The following ZBTB8A variants were observed in gnomAD, a reference collection of about 807,000 sequenced individuals.
The protein encoded by ZBTB8A is zinc finger and BTB domain containing 8A.
ZBTB8A carries 19 observed loss-of-function variants against 37.8 expected under a neutral mutation model. That is an observed-to-expected ratio of 0.50 (90% CI 0.35 to 0.74). The LOEUF (loss-of-function observed/expected upper bound fraction) is 0.74, where lower values mean the gene tolerates loss of function less well. Among genes scored for constraint, ZBTB8A ranks in the 30% least tolerant of loss-of-function variants. The pLI is 0.01. For missense variants in ZBTB8A, 394 were observed against 537.8 expected, an observed-to-expected ratio of 0.73 and a Z score of 2.65; for synonymous variants, 181 against 185.2, an observed-to-expected ratio of 0.98 and a Z score of 0.19.
chr1:32,581,493 A>C (rs558449384), intron 2 of ZBTB8A, among the ~76,000 whole-genome samples: 2 of 150,706 alleles, frequency 1.3e-5, no homozygotes, highest in African/African-American at 4.9e-5. Flanking sequence ...CTGGGATTAC[A>C]GGCGCACGCC....
Position 32,593,204 on chromosome 1 carries a change from T to A in ZBTB8A, c.273T>A (p.Thr91=). The A allele has an allele frequency of 6.2e-7, 1 of 1,614,214 alleles. No homozygotes were observed. Among genetic ancestry groups the A allele is most frequent in the Non-Finnish European group, 8.5e-7 (1 of 1,180,046 alleles). The change falls in exon 3 of 5, where the codon ACT becomes ACA. Residue 91 remains threonine (T), a synonymous_variant. Transcript: ENST00000373510. ...TATATTCTGGCAAACTGTCTCTTAC[T>A]GGTCAGAATGTCATAGAAGTGATGT... is the stretch of plus-strand genomic sequence containing the variant. ...DFVYSGKLSL[T]GQNVIEVMSA...
In ZBTB8A at chr1:32,593,377, C is replaced by T; in HGVS notation, c.446C>T (p.Ser149Phe). The stretch of plus-strand genomic sequence containing the variant: ...AATTCTAATGGTGTAGAACGTTCCT[C>T]TTTTTATAGTGGTGGCTGGCAAGAA... ...DANSNGVERS[S>F]FYSGGWQEGS... is the part of the protein sequence containing the mutation. Residue 149 changes from serine (S) to phenylalanine (F), a missense_variant, in exon 3 of 5, where the codon TCT becomes TTT. Ser to Phe is a radical substitution (Grantham distance 155). Coordinates refer to ENST00000373510, the MANE Select transcript of ZBTB8A (RefSeq NM_001040441.3). The T allele has an allele frequency of 6.2e-7, 1 of 1,613,978 alleles. No individual in the cohort carries two copies. Among genetic ancestry groups the T allele is most frequent in the Non-Finnish European group, 8.5e-7 (1 of 1,179,984 alleles).
intron 2 of ZBTB8A, among the ~76,000 whole-genome samples, chr1:32,569,242 C>G (rs1271252718): frequency 1.3e-5 from 2 of 151,952 alleles, no homozygotes; most frequent in African/African-American, 4.8e-5. Flanking sequence ...TGTTTGTTTT[C>G]TATTATGAAG....
At chr1:32,552,588 C>T (rs1052583226) in intron 1 of ZBTB8A, among the ~76,000 whole-genome samples, 1 of 152,038 alleles carries the variant, frequency 6.6e-6, no homozygotes, top group African/African-American at 2.4e-5. Context: ...ATTGCTCAAA[C>T]CAGGGAGGCG....
chr1:32,551,580 G>C (rs1644156295), intron 1 of ZBTB8A, among the ~76,000 whole-genome samples: 3 of 152,082 alleles, frequency 2.0e-5, no homozygotes. Flanking sequence ...GGGTGTGGTG[G>C]TGCATACCTG....
intron 1 of ZBTB8A, among the ~76,000 whole-genome samples, chr1:32,541,417 C>T (rs1472712190): frequency 6.6e-6 from 1 of 152,192 alleles, no homozygotes; most frequent in Non-Finnish European, 1.5e-5. Flanking sequence ...CCCAGACACC[C>T]ACATGACTCT....
At chr1:32,597,998 C>G (rs1644546026) in intron 4 of ZBTB8A, among the ~76,000 whole-genome samples, 1 of 151,498 alleles carries the variant, frequency 6.6e-6, no homozygotes, top group Admixed American at 6.6e-5. Flanking sequence ...AAGTGATCCA[C>G]CCACCTCCAC....
Position 32,593,289 on chromosome 1 carries a change from T to A in ZBTB8A, c.358T>A (p.Ser120Thr), listed in dbSNP as rs1644504041. ...AAGTGTATGTAAGACTTTTATTAAA[T>A]CTTCCTTAGACATTAGTGAGAAAGA... is the stretch of plus-strand genomic sequence containing the variant. ...VISVCKTFIK[S>T]SLDISEKEKD... The change falls in exon 3 of 5, where the codon TCT (serine) becomes ACT (threonine). Residue 120 changes from serine (S) to threonine (T), a missense_variant. Ser to Thr is a moderately conservative substitution (Grantham distance 58). This residue lies in a region of ZBTB8A where 96 missense variants were observed against 165.6 expected (regional missense o/e 0.58). Coordinates refer to ENST00000373510, the MANE Select transcript of ZBTB8A (RefSeq NM_001040441.3). The A allele has an allele frequency of 6.2e-7, 1 of 1,614,056 alleles. No homozygotes were observed. Among genetic ancestry groups the A allele is most frequent in the Non-Finnish European group, 8.5e-7 (1 of 1,180,048 alleles).
chr1:32,573,965 A>G (rs563033238), intron 2 of ZBTB8A, among the ~76,000 whole-genome samples: 1 of 151,782 alleles, frequency 6.6e-6, no homozygotes, highest in South Asian at 2.1e-4. Context: ...AATCCCAGCT[A>G]TTCGGGAGGC....
At chr1:32,575,276 G>A (rs1644351504) in intron 2 of ZBTB8A, among the ~76,000 whole-genome samples, 1 of 142,148 alleles carries the variant, frequency 7.0e-6, no homozygotes, top group Admixed American at 7.3e-5. Flanking sequence ...CCCGAGGCTG[G>A]AGTGCAGTGG....
intron 4 of ZBTB8A, among the ~76,000 whole-genome samples, chr1:32,596,791 A>G (rs551704357): frequency 1.3e-5 from 2 of 152,204 alleles, no homozygotes; most frequent in South Asian, 4.1e-4. Context: ...ATAGTTTTAT[A>G]TTTCCATTTT....
chr1:32,588,758 C>A (rs1474624057), intron 2 of ZBTB8A, among the ~76,000 whole-genome samples: 1 of 151,990 alleles, frequency 6.6e-6, no homozygotes, highest in Non-Finnish European at 1.5e-5. Context: ...CCGAGGCAGG[C>A]AGATCACCTG....
chr1:32,558,993 G>A (rs1024658522), intron 2 of ZBTB8A, among the ~76,000 whole-genome samples: 1 of 152,226 alleles, frequency 6.6e-6, no homozygotes, highest in Non-Finnish European at 1.5e-5. Flanking sequence ...GGAAATGGAT[G>A]TGTAAACCAC....
chr1:32,579,392 A>G (rs1473704047), intron 2 of ZBTB8A, among the ~76,000 whole-genome samples: 1 of 151,406 alleles, frequency 6.6e-6, no homozygotes, highest in Non-Finnish European at 1.5e-5. Context: ...CGGAGGTTGC[A>G]GTGAGCTGAG....
At position 32,565,196 on chromosome 1, in the gene ZBTB8A, G is replaced by A. The variant is rs1234525818; in HGVS notation, c.-2+11656G>A. On this transcript the variant is annotated intron_variant, in intron 2 of 4. Coordinates refer to ENST00000373510, the MANE Select transcript of ZBTB8A (RefSeq NM_001040441.3). The stretch of plus-strand genomic sequence containing the variant: ...AACACAAACATTAACCAGGCATGGT[G>A]GCATGTGCCTGGAGTCCCAGCCAGG... Among the ~76,000 whole-genome samples, 3 of 152,196 alleles carry A rather than the reference G, an allele frequency of 2.0e-5. No individual in the cohort carries two copies. In the East Asian group the frequency reaches 5.8e-4, roughly 29 times the overall value.
At chr1:32,567,244 C>G (rs1459217621) in intron 2 of ZBTB8A, among the ~76,000 whole-genome samples, 1 of 151,994 alleles carries the variant, frequency 6.6e-6, no homozygotes, top group Non-Finnish European at 1.5e-5. Context: ...TTTAAACAAC[C>G]AGATCTCGTA....
At chr1:32,573,557 C>T (rs575922369) in intron 2 of ZBTB8A, among the ~76,000 whole-genome samples, 1 of 150,724 alleles carries the variant, frequency 6.6e-6, no homozygotes, top group African/African-American at 2.4e-5. Context: ...CTTAGATACC[C>T]AAATAGCTGG....
chr1:32,576,499 G>A (rs1230663883), intron 2 of ZBTB8A, among the ~76,000 whole-genome samples: 1 of 152,040 alleles, frequency 6.6e-6, no homozygotes, highest in African/African-American at 2.4e-5. Flanking sequence ...CGCAATCTTG[G>A]CTCACTGTAA....
At chr1:32,547,828 CAAAAAAAA>C (rs1194254576) in intron 1 of ZBTB8A, among the ~76,000 whole-genome samples, 3 of 30,476 alleles carry the variant, frequency 9.8e-5, no homozygotes, top group African/African-American at 2.8e-4. Context: ...ACAAACAAAG[CAAAAAAAA>C]AAAAAAAAAA....
Sources: gnomAD v4.1 joint callset for allele counts (sites outside exome capture counted in the v4.1 genomes callset) on GRCh38, gnomAD v4.1.1 for gene constraint, gnomAD v4.1.1 regional missense constraint, MANE v1.5 for transcripts, NCBI Gene and HGNC (gene_info 2026-07-23, HGNC 2026-07-21) for gene names.